Variants in ATP11C observed in about 807,000 individuals in gnomAD.
ATP11C encodes phospholipid-transporting ATPase IG.
In ATP11C, 36 loss-of-function variants were observed where a neutral mutation model predicts 97.4. The observed-to-expected ratio is 0.37, with a 90% CI of 0.28 to 0.49. The LOEUF (loss-of-function observed/expected upper bound fraction) is 0.49, where lower values mean the gene tolerates loss of function less well. Ranked by LOEUF, ATP11C falls within the 20% of genes least tolerant of loss-of-function variation. ATP11C has a pLI of 0.98. For missense variants in ATP11C, 730 were observed against 824.6 expected (o/e 0.89, Z 1.40); for synonymous variants, 275 against 290.9 (o/e 0.95, Z 0.56).
intron 22 of ATP11C, among the ~76,000 whole-genome samples, chrX:139,761,228 G>A (rs910682929): frequency 6.3e-5 from 7 of 111,150 alleles, no homozygotes; most frequent in African/African-American, 2.3e-4. Flanking sequence ...CCGAGATCGC[G>A]CCACTGCACT....
Position 139,800,954 on chromosome X carries a change from CTAA to C in ATP11C, c.660-847_660-845del, listed in dbSNP as rs2082914523. ...TGCTATACTAAGTGCTGAAGATGTA[CTAA>C]TAAGCAAAAAAGAAATGGCTCCTTG... is the stretch of plus-strand genomic sequence containing the variant. On this transcript the variant is annotated intron_variant, in intron 7 of 29. Transcript: ENST00000682941. 1.8e-5 allele frequency among the ~76,000 whole-genome samples: 2 copies of C among 111,855 alleles called. 1 individual carries two copies. The highest frequency in any genetic ancestry group is 6.5e-5 in the African/African-American group (2 of 30,783).
At chrX:139,822,495 C>T (rs1221919511) in intron 2 of ATP11C, among the ~76,000 whole-genome samples, 1 of 111,475 alleles carries the variant, frequency 9.0e-6, no homozygotes, top group African/African-American at 3.3e-5. Context: ...CTCACTGCAA[C>T]CTCCGCCTCC....
At chrX:139,761,219 C>T (rs748770998) in intron 22 of ATP11C, among the ~76,000 whole-genome samples, 1 of 110,917 alleles carries the variant, frequency 9.0e-6, no homozygotes, top group Non-Finnish European at 1.9e-5. Flanking sequence ...TACAGTGAGC[C>T]GAGATCGCGC....
intron 1 of ATP11C, chrX:139,832,055 A>G: frequency 1.1e-6 from 1 of 905,461 alleles, no homozygotes; most frequent in South Asian, 2.6e-5. Flanking sequence ...GGAAATGGAT[A>G]AAAATATACA....
chrX:139,740,663 A>G lies in ATP11C; in HGVS notation c.3134+328T>C, dbSNP rs187637855. ...ATATATCAGGTAGAAACTTCACAGG[A>G]TGAGTATTTCCTCTGAAAATCACGA... On this transcript the variant is annotated intron_variant, in intron 27 of 29. Coordinates refer to ENST00000682941, the MANE Select transcript of ATP11C (RefSeq NM_001353812.2). 3.6e-5 allele frequency among the ~76,000 whole-genome samples: 4 copies of G among 111,909 alleles called. No individual in the cohort carries two copies. The East Asian group carries it at 1.1e-3, about 32-fold the overall frequency.
chrX:139,742,417 T>C (rs1314672208), intron 26 of ATP11C, among the ~76,000 whole-genome samples: 4 of 111,613 alleles, frequency 3.6e-5, no homozygotes, highest in African/African-American at 1.3e-4. Flanking sequence ...CCTAAAATGT[T>C]ACTGAAATAG....
At chrX:139,828,751 G>C (rs112329820) in intron 1 of ATP11C, among the ~76,000 whole-genome samples, 29 of 111,864 alleles carry the variant, frequency 2.6e-4, no homozygotes, top group African/African-American at 9.1e-4. Flanking sequence ...AGGAGGTAGA[G>C]AATCAGTGAA....
chrX:139,928,190 T>C (rs950977697), intron 1 of ATP11C, among the ~76,000 whole-genome samples: 1 of 110,901 alleles, frequency 9.0e-6, no homozygotes, highest in African/African-American at 3.3e-5. Flanking sequence ...TAACACAATA[T>C]GATTTAAAAA....
chrX:139,871,056 C>A (rs1292143852), intron 1 of ATP11C, among the ~76,000 whole-genome samples: 1 of 41,483 alleles, frequency 2.4e-5, no homozygotes, highest in East Asian at 7.6e-4. Flanking sequence ...GAGCGAGACT[C>A]CGTCTCAAAA....
At chrX:139,872,512 C>T (rs2084395160) in intron 1 of ATP11C, among the ~76,000 whole-genome samples, 1 of 103,036 alleles carries the variant, frequency 9.7e-6, no homozygotes, top group African/African-American at 3.8e-5. Flanking sequence ...TCCCTCCCCG[C>T]TCCCTCCACC....
intron 2 of ATP11C, among the ~76,000 whole-genome samples, chrX:139,824,069 G>A (rs770175496): frequency 2.0e-5 from 2 of 100,565 alleles, no homozygotes; most frequent in Admixed American, 2.2e-4. Flanking sequence ...TTGAGGCCAG[G>A]AGTTTGTGAC....
intron 1 of ATP11C, among the ~76,000 whole-genome samples, chrX:139,897,670 CAA>C (rs750202200): frequency 1.0e-4 from 8 of 77,059 alleles, no homozygotes; most frequent in Non-Finnish European, 5.2e-5. Context: ...GACTCTGTCT[CAA>C]AAAAAAAAAA....
intron 1 of ATP11C, among the ~76,000 whole-genome samples, chrX:139,890,080 TA>T (rs2084704340): frequency 9.0e-6 from 1 of 111,699 alleles, no homozygotes; most frequent in Non-Finnish European, 1.9e-5. Flanking sequence ...AAAGACATAG[TA>T]GAAGCTTATC....
intron 23 of ATP11C, 40 bp from the exon 24 acceptor site, chrX:139,750,192 GT>G: frequency 1.8e-6 from 2 of 1,133,482 alleles, no homozygotes; most frequent in African/African-American, 1.8e-5. Context: ...GAAATTTCAT[GT>G]AACAATCATC....
intron 23 of ATP11C, among the ~76,000 whole-genome samples, chrX:139,750,961 T>C (rs1416548311): frequency 4.4e-5 from 5 of 112,380 alleles, no homozygotes; most frequent in African/African-American, 6.5e-5. Context: ...GTGCTAAAGA[T>C]TGTCAAACAA....
chrX:139,772,105 A>G (rs1169371894), intron 19 of ATP11C, among the ~76,000 whole-genome samples: 2 of 112,037 alleles, frequency 1.8e-5, no homozygotes, highest in African/African-American at 6.5e-5. Flanking sequence ...TGTGTAGCCT[A>G]GGGATTTGGT....
chrX:139,742,638 T>C (rs2039136704), intron 26 of ATP11C, among the ~76,000 whole-genome samples: 1 of 109,756 alleles, frequency 9.1e-6, no homozygotes, highest in Admixed American at 9.8e-5. Context: ...AATTTGATTA[T>C]GCTTTCAACT....
intron 23 of ATP11C, among the ~76,000 whole-genome samples, chrX:139,752,431 C>T (rs767427993): frequency 3.6e-5 from 4 of 111,653 alleles, no homozygotes; most frequent in African/African-American, 9.8e-5. Context: ...AGTTGAGCAA[C>T]GGAAGGAGCC....
intron 7 of ATP11C, among the ~76,000 whole-genome samples, 169 bp downstream of exon 7, chrX:139,802,067 A>T (rs2082937596): frequency 8.9e-6 from 1 of 112,063 alleles, no homozygotes; most frequent in South Asian, 3.7e-4. Flanking sequence ...TTCTGGGTTG[A>T]TAGTGAACAA....
Sources: gnomAD v4.1 joint callset for allele counts (sites outside exome capture counted in the v4.1 genomes callset) on GRCh38, gnomAD v4.1.1 for gene constraint, MANE v1.5 for transcripts, NCBI Gene and HGNC (gene_info 2026-07-23, HGNC 2026-07-21) for gene names.